The following CCSER1 variants were observed in gnomAD, a reference collection of about 807,000 sequenced individuals.
CCSER1 encodes serine-rich coiled-coil domain-containing protein 1.
In CCSER1, 41 loss-of-function variants were observed where a neutral mutation model predicts 82.0. That is an observed-to-expected ratio of 0.50 (90% confidence interval 0.39 to 0.65). The LOEUF is 0.65. CCSER1 is among the 30% of genes least tolerant of loss of function. The probability of loss-of-function intolerance (pLI) is 0.00; values close to 1 mark genes in which losing one functional copy is unlikely to be tolerated. For missense variants in CCSER1, 1,119 were observed against 1,064.2 expected (o/e 1.05, Z -0.72); for synonymous variants, 414 against 383.9 (o/e 1.08, Z -0.92).
At chr4:90,664,715 A>G (rs1311728133) in intron 6 of CCSER1, among the ~76,000 whole-genome samples, 1 of 152,130 alleles carries the variant, frequency 6.6e-6, no homozygotes, top group Non-Finnish European at 1.5e-5. Flanking sequence ...AGCCTGACCA[A>G]CATGGAGAAA....
intron 5 of CCSER1, among the ~76,000 whole-genome samples, chr4:90,490,573 T>C (rs1263087586): frequency 1.3e-5 from 2 of 152,154 alleles, no homozygotes; most frequent in Admixed American, 1.3e-4. Flanking sequence ...TTGCTTTTGG[T>C]GTTTATACAT....
chr4:90,255,380 G>T (rs1723101498), intron 1 of CCSER1, among the ~76,000 whole-genome samples: 1 of 152,008 alleles, frequency 6.6e-6, no homozygotes, highest in Admixed American at 6.6e-5. Flanking sequence ...AATGATTAAT[G>T]ATATCAAGCC....
chr4:91,139,597 G>A lies in CCSER1; in HGVS notation c.2217+53603G>A, dbSNP rs187428928. 2.7e-3 allele frequency among the ~76,000 whole-genome samples: 407 copies of A among 152,234 alleles called. 2 individuals are homozygous for A. The highest frequency in any genetic ancestry group is 9.0e-3 in the African/African-American group (374 of 41,554). On this transcript the variant is annotated intron_variant, in intron 10 of 10. Transcript: ENST00000509176. Reference sequence around the variant, plus strand: ...AACTTTGCAGGAATAGAGTGTTGGAGTCCTGAAGTGTTCTGATTAATAAAA... The same window carrying A: ...AACTTTGCAGGAATAGAGTGTTGGAATCCTGAAGTGTTCTGATTAATAAAA...
At chr4:90,864,931 G>C (rs1765555345) in intron 8 of CCSER1, among the ~76,000 whole-genome samples, 1 of 151,960 alleles carries the variant, frequency 6.6e-6, no homozygotes, top group South Asian at 2.1e-4. Context: ...ACTGCTGGTA[G>C]GTGTTCTCGA....
chr4:90,470,119 A>C (rs1216398173), intron 5 of CCSER1, among the ~76,000 whole-genome samples: 1 of 152,146 alleles, frequency 6.6e-6, no homozygotes, highest in Admixed American at 6.5e-5. Flanking sequence ...TCCATATTTA[A>C]GTAAAGCTAC....
At chr4:90,295,335 ATAT>A (rs1249233493) in intron 1 of CCSER1, among the ~76,000 whole-genome samples, 3 of 152,022 alleles carry the variant, frequency 2.0e-5, no homozygotes, top group Non-Finnish European at 1.5e-5. Context: ...ACCAAACCTG[ATAT>A]TATTAAGTTT....
chr4:91,148,018 G>C (rs879467586), intron 10 of CCSER1, among the ~76,000 whole-genome samples: 2 of 151,910 alleles, frequency 1.3e-5, no homozygotes, highest in Non-Finnish European at 2.9e-5. Flanking sequence ...TATCTACCTA[G>C]AATTCAAGAT....
chr4:91,181,344 C>G (rs1166236531), intron 10 of CCSER1, among the ~76,000 whole-genome samples: 1 of 152,178 alleles, frequency 6.6e-6, no homozygotes, highest in Non-Finnish European at 1.5e-5. Context: ...CACAGAACTT[C>G]CAGGTGTTTT....
chr4:91,233,547 C>A (rs535312447), intron 10 of CCSER1, among the ~76,000 whole-genome samples: 1 of 152,006 alleles, frequency 6.6e-6, no homozygotes, highest in African/African-American at 2.4e-5. Flanking sequence ...ACAAGATAAA[C>A]CATTAAATTG....
At chr4:90,830,234 T>G (rs2149818279) in intron 8 of CCSER1, among the ~76,000 whole-genome samples, 1 of 152,292 alleles carries the variant, frequency 6.6e-6, no homozygotes, top group Non-Finnish European at 1.5e-5. Flanking sequence ...GTGTCAATAT[T>G]ATGCTATGCC....
intron 9 of CCSER1, among the ~76,000 whole-genome samples, chr4:90,980,882 T>C (rs1036329358): frequency 6.6e-6 from 1 of 151,846 alleles, no homozygotes; most frequent in Non-Finnish European, 1.5e-5. Flanking sequence ...TACTCTTTCA[T>C]TATAATGAAT....
chr4:90,730,932 C>G (rs1353389052), intron 7 of CCSER1, among the ~76,000 whole-genome samples: 1 of 151,880 alleles, frequency 6.6e-6, no homozygotes, highest in East Asian at 1.9e-4. Flanking sequence ...GACTTAAGAT[C>G]TTATTTCACA....
chr4:90,985,340 T>C (rs1736494843), intron 9 of CCSER1, among the ~76,000 whole-genome samples: 1 of 151,688 alleles, frequency 6.6e-6, no homozygotes, highest in Non-Finnish European at 1.5e-5. Flanking sequence ...CTTTACTGTT[T>C]AGAAAGCCAT....
intron 9 of CCSER1, among the ~76,000 whole-genome samples, chr4:90,952,689 T>A (rs1351175004): frequency 1.3e-5 from 2 of 152,090 alleles, no homozygotes; most frequent in Non-Finnish European, 2.9e-5. Flanking sequence ...TCTCTATTAT[T>A]CAAGGTGATA....
intron 5 of CCSER1, among the ~76,000 whole-genome samples, chr4:90,522,352 G>T (rs1265087169): frequency 1.3e-5 from 2 of 152,094 alleles, no homozygotes; most frequent in Non-Finnish European, 2.9e-5. Context: ...GCTGTTATGT[G>T]TCACAGCTTT....
At chr4:90,429,047 A>T (rs1273146685) in intron 4 of CCSER1, among the ~76,000 whole-genome samples, 3 of 151,482 alleles carry the variant, frequency 2.0e-5, no homozygotes, top group Non-Finnish European at 4.4e-5. Flanking sequence ...CTATTGCAAG[A>T]TGTTAATATG....
intron 7 of CCSER1, among the ~76,000 whole-genome samples, chr4:90,736,142 G>A (rs7662647): frequency 0.34 from 50,952 of 151,846 alleles, 9,710 homozygotes; most frequent in African/African-American, 0.53. Flanking sequence ...ATCCTTGAGA[G>A]TTATTCATGT....
intron 10 of CCSER1, among the ~76,000 whole-genome samples, chr4:91,358,333 A>ATTTT (rs367984620): frequency 0.036 from 4,741 of 132,582 alleles, 239 homozygotes; most frequent in African/African-American, 0.12. Flanking sequence ...TCTTTCTTGA[A>ATTTT]TTTTTTTTTT....
chr4:90,674,281 G>A (rs1222822599), intron 6 of CCSER1, among the ~76,000 whole-genome samples: 1 of 151,838 alleles, frequency 6.6e-6, no homozygotes, highest in East Asian at 1.9e-4. Context: ...GGCCCCAGAG[G>A]AATCATTTAC....
Sources: gnomAD v4.1 joint callset for allele counts (sites outside exome capture counted in the v4.1 genomes callset) on GRCh38, gnomAD v4.1.1 for gene constraint, MANE v1.5 for transcripts, NCBI Gene and HGNC (gene_info 2026-07-23, HGNC 2026-07-21) for gene names.